The following AP3B1 variants were observed in gnomAD, a reference collection of about 807,000 sequenced individuals.
AP3B1 encodes the protein adaptor related protein complex 3 subunit beta 1, also known as AP-3 complex subunit beta-1.
Under a neutral mutation model 132.5 loss-of-function variants are expected in AP3B1, and 61 were observed. That is an observed-to-expected ratio of 0.46 (90% CI 0.37 to 0.57). The LOEUF is 0.57. AP3B1 is among the 20% of genes least tolerant of loss of function. The probability of loss-of-function intolerance (pLI) is 0.00; values close to 1 mark genes in which losing one functional copy is unlikely to be tolerated. For missense variants in AP3B1, 1,120 were observed against 1,289.4 expected, an observed-to-expected ratio of 0.87 and a Z score of 2.01; for synonymous variants, 388 against 438.3, an observed-to-expected ratio of 0.89 and a Z score of 1.43.
chr5:78,113,985 G>GT, intron 18 of AP3B1, 62 bp from the exon 19 acceptor site: 1 of 1,543,396 alleles, frequency 6.5e-7, no homozygotes, highest in Non-Finnish European at 8.8e-7. Flanking sequence ...ACGGACACCT[G>GT]TAACTGTCAA....
At chr5:78,127,704 T>C (rs1016887683) in intron 17 of AP3B1, among the ~76,000 whole-genome samples, 4 of 152,124 alleles carry the variant, frequency 2.6e-5, no homozygotes, top group African/African-American at 9.7e-5. Context: ...CTAAACAAAG[T>C]AGAAAAAACT....
At chr5:78,016,669 A>G (rs1746868132) in intron 25 of AP3B1, among the ~76,000 whole-genome samples, 1 of 152,138 alleles carries the variant, frequency 6.6e-6, no homozygotes, top group Non-Finnish European at 1.5e-5. Context: ...TAACAGTATG[A>G]AAACACTAAA....
chr5:78,159,459 T>C (rs529900121), intron 13 of AP3B1, among the ~76,000 whole-genome samples: 1 of 152,268 alleles, frequency 6.6e-6, no homozygotes, highest in African/African-American at 2.4e-5. Context: ...CAGGGCTGCG[T>C]TCCCTCTGGA....
At chr5:78,087,736 A>G in intron 22 of AP3B1, 4 of 972,816 alleles carry the variant, frequency 4.1e-6, no homozygotes, top group Non-Finnish European at 4.9e-6. Context: ...TTACTTTGTG[A>G]TGAATGAAAA....
intron 17 of AP3B1, among the ~76,000 whole-genome samples, chr5:78,117,015 A>G (rs1751869248): frequency 6.6e-6 from 1 of 151,616 alleles, no homozygotes; most frequent in South Asian, 2.1e-4. Context: ...CCCCTCCACA[A>G]CTGTCCCCGT....
intron 20 of AP3B1, among the ~76,000 whole-genome samples, chr5:78,103,389 T>C (rs1262510341): frequency 6.6e-6 from 1 of 152,110 alleles, no homozygotes; most frequent in African/African-American, 2.4e-5. Flanking sequence ...AAAATGAGAA[T>C]TTCACACCGC....
intron 7 of AP3B1, among the ~76,000 whole-genome samples, chr5:78,213,040 G>A (rs1056558236): frequency 6.6e-6 from 1 of 152,002 alleles, no homozygotes; most frequent in Non-Finnish European, 1.5e-5. Context: ...ACCGTGCCCG[G>A]CTAATTTTTT....
chr5:78,009,245 A>G (rs1273427660), intron 26 of AP3B1, among the ~76,000 whole-genome samples: 1 of 151,036 alleles, frequency 6.6e-6, no homozygotes, highest in African/African-American at 2.4e-5. Flanking sequence ...GCTTGAGCCC[A>G]GGAGTTCAAG....
Position 78,181,097 on chromosome 5 carries a change from A to G in AP3B1, c.942+410T>C, listed in dbSNP as rs562467632. On this transcript the variant is annotated intron_variant, in intron 8 of 26. Transcript: ENST00000255194. ...ACTAATACCAGATCAAGTACCCCCA[A>G]TCACAATGGAATAACTGATAAATAT... Among the ~76,000 whole-genome samples the G allele has an allele frequency of 5.9e-5, 9 of 152,190 alleles. No homozygotes were observed. The South Asian group carries it at 1.4e-3, about 25-fold the overall frequency.
At chr5:78,003,545 TCTTA>T (rs1192409096) in intron 26 of AP3B1, 1 of 458,354 alleles carries the variant, frequency 2.2e-6, no homozygotes, top group African/African-American at 2.1e-5. Flanking sequence ...ATTATAAAAT[TCTTA>T]CTAAGTTTCA....
At chr5:78,247,118 T>C (rs1747408873) in intron 2 of AP3B1, among the ~76,000 whole-genome samples, 1 of 151,742 alleles carries the variant, frequency 6.6e-6, no homozygotes, top group Admixed American at 6.6e-5. Flanking sequence ...TTTTCAAATA[T>C]TTTAAAAAAA....
intron 17 of AP3B1, among the ~76,000 whole-genome samples, chr5:78,123,226 T>A (rs1008001210): frequency 6.6e-6 from 1 of 152,002 alleles, no homozygotes; most frequent in Non-Finnish European, 1.5e-5. Flanking sequence ...AAATGTTAGA[T>A]CTAAAACCAT....
chr5:78,273,772 C>T (rs1748653950), intron 1 of AP3B1, among the ~76,000 whole-genome samples: 1 of 151,672 alleles, frequency 6.6e-6, no homozygotes, highest in Non-Finnish European at 1.5e-5. Flanking sequence ...GGAAGATGCC[C>T]GAGGAGTATA....
intron 14 of AP3B1, among the ~76,000 whole-genome samples, chr5:78,152,445 G>C (rs1370397734): frequency 2.1e-4 from 32 of 151,938 alleles, no homozygotes; most frequent in Admixed American, 2.1e-3. Flanking sequence ...ATTTCCTCTA[G>C]ATTATCCAAC....
chr5:78,051,432 G>A (rs996105964), intron 22 of AP3B1, among the ~76,000 whole-genome samples: 2 of 151,390 alleles, frequency 1.3e-5, no homozygotes, highest in African/African-American at 2.4e-5. Flanking sequence ...TTTTTTTTGA[G>A]ATTATTAAGA....
intron 22 of AP3B1, among the ~76,000 whole-genome samples, chr5:78,084,521 CAAAAAAAA>C (rs568637894): frequency 1.2e-3 from 52 of 44,000 alleles, no homozygotes; most frequent in African/African-American, 4.9e-3. Context: ...CAGACCCTGT[CAAAAAAAA>C]AAAAAAAAAA....
At chr5:78,033,237 G>A (rs1430264308) in intron 24 of AP3B1, among the ~76,000 whole-genome samples, 1 of 152,010 alleles carries the variant, frequency 6.6e-6, no homozygotes, top group Non-Finnish European at 1.5e-5. Flanking sequence ...ATTGATCTGT[G>A]TTGTTTGTCT....
At chr5:78,226,596 A>T (rs1201967298) in intron 5 of AP3B1, among the ~76,000 whole-genome samples, 1 of 152,012 alleles carries the variant, frequency 6.6e-6, no homozygotes, top group Non-Finnish European at 1.5e-5. Flanking sequence ...TATGTCTTTG[A>T]TCTTCTTCCT....
intron 24 of AP3B1, among the ~76,000 whole-genome samples, chr5:78,027,649 A>T (rs182939623): frequency 0.013 from 1,912 of 152,270 alleles, 46 homozygotes; most frequent in African/African-American, 0.044. Flanking sequence ...TCTCCCATTT[A>T]AAAACACAGT....
Sources: allele counts gnomAD v4.1 joint callset (sites outside exome capture counted in the v4.1 genomes callset), GRCh38; gene constraint gnomAD v4.1.1; transcripts MANE v1.5; gene names NCBI Gene and HGNC (gene_info 2026-07-23, HGNC 2026-07-21).